The following STT3B variants were observed in gnomAD, a reference collection of about 807,000 sequenced individuals.
The protein encoded by STT3B is dolichyl-diphosphooligosaccharide--protein glycosyltransferase subunit STT3B.
In STT3B, 29 loss-of-function variants were observed where a neutral mutation model predicts 96.8. The observed-to-expected ratio is 0.30, with a 90% CI of 0.22 to 0.41. The LOEUF is 0.41. STT3B is among the 10% of genes least tolerant of loss of function. The pLI, the probability that STT3B is intolerant of heterozygous loss-of-function variation, is 1.00. For synonymous variants in STT3B, 367 were observed against 360.0 expected (o/e 1.02, Z -0.22); for missense variants, 640 against 1,022.3 (o/e 0.63, Z 5.10).
chr3:31,629,465 G>T, intron 14 of STT3B, 54 bp downstream of exon 14: 1 of 963,720 alleles, frequency 1.0e-6, no homozygotes, highest in Non-Finnish European at 1.6e-6. Flanking sequence ...TTTAAAACAA[G>T]TCTTATTTGC....
intron 3 of STT3B, among the ~76,000 whole-genome samples, chr3:31,590,757 C>T (rs1211233473): frequency 1.3e-5 from 2 of 152,048 alleles, no homozygotes; most frequent in African/African-American, 4.8e-5. Context: ...TGGAACACAG[C>T]CCTGGCCATT....
chr3:31,568,536 T>C (rs1025256133), intron 1 of STT3B, among the ~76,000 whole-genome samples: 1 of 152,228 alleles, frequency 6.6e-6, no homozygotes, highest in Admixed American at 6.5e-5. Context: ...TGCCTGTCTT[T>C]TGAATACAAA....
chr3:31,582,724 C>A (rs1269011802), intron 3 of STT3B, among the ~76,000 whole-genome samples: 1 of 151,766 alleles, frequency 6.6e-6, no homozygotes. Context: ...TTGACGGTGT[C>A]TCATAAGTTC....
chr3:31,615,240 A>T (rs1183879376), intron 6 of STT3B, 37 bp downstream of exon 6: 1 of 1,475,970 alleles, frequency 6.8e-7, no homozygotes, highest in Non-Finnish European at 9.4e-7. Context: ...TCTAAAGAAT[A>T]TGTGGACGTG....
chr3:31,621,406 TACAC>T (rs1699425562), intron 9 of STT3B, among the ~76,000 whole-genome samples: 1 of 152,220 alleles, frequency 6.6e-6, no homozygotes, highest in African/African-American at 2.4e-5. Flanking sequence ...TTCATTGAGA[TACAC>T]ACTTAAGAAT....
chr3:31,546,751 T>C (rs189648942), intron 1 of STT3B, among the ~76,000 whole-genome samples: 1 of 152,220 alleles, frequency 6.6e-6, no homozygotes, highest in Admixed American at 6.5e-5. Flanking sequence ...GGAGGTTATA[T>C]GTATATGTAT....
In STT3B at chr3:31,533,199, G is replaced by T; in HGVS notation, c.201G>T (p.Gly67=). The T allele has an allele frequency of 6.9e-7, 1 of 1,441,488 alleles. No homozygotes were observed. The highest frequency in any genetic ancestry group is 9.2e-7 in the Non-Finnish European group (1 of 1,088,846). The allele number at this position is 1,441,488 out of a possible 1,614,324, so 89.3% of individuals were successfully genotyped here. ...CCGGGGGGCTGTCGCAGCCGGCTGG[G>T]TGGCAGTCGCTTCTCTCCTTCACCA... ...GLSGGLSQPA[G]WQSLLSFTIL... is the part of the protein sequence containing the mutation. The change falls in exon 1 of 16, where the codon GGG becomes GGT. Residue 67 remains glycine (G), a synonymous_variant. Transcript: ENST00000295770.
intron 14 of STT3B, among the ~76,000 whole-genome samples, chr3:31,630,793 G>A (rs1699638749): frequency 1.3e-5 from 1 of 76,556 alleles, no homozygotes; most frequent in South Asian, 5.1e-4. Flanking sequence ...TTTTTTTGTG[G>A]TGTTTTTTTT....
At chr3:31,566,771 C>T (rs922778445) in intron 1 of STT3B, among the ~76,000 whole-genome samples, 1 of 152,160 alleles carries the variant, frequency 6.6e-6, no homozygotes, top group African/African-American at 2.4e-5. Flanking sequence ...CTTTTCTCCT[C>T]TACTCCCCCC....
intron 1 of STT3B, among the ~76,000 whole-genome samples, chr3:31,554,585 G>A (rs189295851): frequency 5.8e-4 from 88 of 152,290 alleles, no homozygotes; most frequent in African/African-American, 2.0e-3. Context: ...CTTTAAGAAG[G>A]TAACTCAGAG....
chr3:31,626,148 A>C (rs772833578), intron 13 of STT3B, 21 bp downstream of exon 13: 1 of 1,602,688 alleles, frequency 6.2e-7, no homozygotes, highest in South Asian at 1.1e-5. Flanking sequence ...AGATAATTCC[A>C]GGTATGTGAA....
chr3:31,588,495 C>T (rs1698596581), intron 3 of STT3B, among the ~76,000 whole-genome samples: 2 of 152,166 alleles, frequency 1.3e-5, no homozygotes, highest in Non-Finnish European at 2.9e-5. Flanking sequence ...GGATGCACTA[C>T]ATTTCTGCTA....
At chr3:31,556,378 C>T (rs1423637505) in intron 1 of STT3B, among the ~76,000 whole-genome samples, 3 of 152,050 alleles carry the variant, frequency 2.0e-5, no homozygotes, top group African/African-American at 4.8e-5. Flanking sequence ...CGCACGTGTC[C>T]CTTTGATGTA....
intron 1 of STT3B, among the ~76,000 whole-genome samples, chr3:31,554,147 T>G (rs1427460126): frequency 6.6e-6 from 1 of 152,200 alleles, no homozygotes; most frequent in Non-Finnish European, 1.5e-5. Context: ...GATAGCACAG[T>G]GCTATATTTG....
chr3:31,551,099 G>A (rs1003876079), intron 1 of STT3B, among the ~76,000 whole-genome samples: 10 of 152,112 alleles, frequency 6.6e-5, no homozygotes, highest in Admixed American at 6.5e-4. Context: ...TCCTTGAGGT[G>A]TTCTAACACT....
In STT3B at chr3:31,536,592, T is replaced by C. The variant is rs139061422; in HGVS notation, c.314+3280T>C. ...TGCTGAAAGTGACGTCACAGAGTTA[T>C]ACTTGTTTTTTAAATTTGTCACCCA... On this transcript the variant is annotated intron_variant, in intron 1 of 15. Coordinates refer to ENST00000295770, the MANE Select transcript of STT3B (RefSeq NM_178862.3). Among the ~76,000 whole-genome samples the C allele has an allele frequency of 2.7e-4, 41 of 152,374 alleles. 1 individual carries two copies. The highest frequency in any genetic ancestry group is 9.4e-4 in the African/African-American group (39 of 41,596).
chr3:31,626,355 C>G (rs1407710516), intron 13 of STT3B, among the ~76,000 whole-genome samples: 1 of 152,164 alleles, frequency 6.6e-6, no homozygotes, highest in Non-Finnish European at 1.5e-5. Flanking sequence ...CAGTCCCTTG[C>G]CAAGACTTCT....
intron 7 of STT3B, 119 bp from the exon 8 acceptor site, chr3:31,617,821 A>G: frequency 1.4e-6 from 1 of 740,712 alleles, no homozygotes; most frequent in Non-Finnish European, 2.3e-6. Context: ...ATAAATGAAA[A>G]CTGAAATTCT....
intron 1 of STT3B, among the ~76,000 whole-genome samples, chr3:31,555,616 C>G (rs958223061): frequency 1.7e-4 from 26 of 152,150 alleles, no homozygotes; most frequent in African/African-American, 6.0e-4. Flanking sequence ...GTGTTTTATC[C>G]AATCTCAACT....
Sources: allele counts gnomAD v4.1 joint callset (sites outside exome capture counted in the v4.1 genomes callset), GRCh38; gene constraint gnomAD v4.1.1; transcripts MANE v1.5; gene names NCBI Gene and HGNC (gene_info 2026-07-23, HGNC 2026-07-21).